Variants in TASP1 observed in about 807,000 individuals in gnomAD.
TASP1 encodes the protein taspase 1.
In TASP1, 16 loss-of-function variants were observed where a neutral mutation model predicts 56.6. The ratio of observed to expected loss-of-function variants is 0.28; its 90% CI spans 0.19 to 0.43. The LOEUF is 0.43. TASP1 is among the 20% of genes least tolerant of loss of function. The probability of loss-of-function intolerance (pLI) is 1.00; values close to 1 mark genes in which losing one functional copy is unlikely to be tolerated. For synonymous variants in TASP1, 179 were observed against 184.2 expected (o/e 0.97, Z 0.23); for missense variants, 393 against 511.6 (o/e 0.77, Z 2.24).
At chr20:13,188,456 T>C in the TASP1 span, among the ~76,000 whole-genome samples, 8 of 152,152 alleles carry the variant, frequency 5.3e-5, no homozygotes, top group East Asian at 5.8e-4. Context: ...TACAAAAATA[T>C]ACTATCAATA....
chr20:13,472,381 C>A (rs1434364756), intron 11 of TASP1, among the ~76,000 whole-genome samples: 1 of 151,026 alleles, frequency 6.6e-6, no homozygotes, highest in African/African-American at 2.5e-5. Flanking sequence ...CATAAAAACC[C>A]TAGAAGAAAA....
At chr20:13,461,899 C>A (rs748068735) in intron 11 of TASP1, among the ~76,000 whole-genome samples, 1 of 152,130 alleles carries the variant, frequency 6.6e-6, no homozygotes, top group Non-Finnish European at 1.5e-5. Flanking sequence ...GATGTTTATA[C>A]AAGATTCATT....
At chr20:13,164,740 C>A in the TASP1 span, 2 of 1,603,476 alleles carry the variant, frequency 1.2e-6, no homozygotes, top group Non-Finnish European at 1.7e-6. Flanking sequence ...TATTGGAAAG[C>A]AATCTCATTG....
the TASP1 span, among the ~76,000 whole-genome samples, chr20:13,375,195 T>C: frequency 2.6e-5 from 4 of 152,160 alleles, no homozygotes; most frequent in East Asian, 1.9e-4. Context: ...CAACCCATCA[T>C]CTACATTAGG....
At chr20:13,209,012 G>C in the TASP1 span, among the ~76,000 whole-genome samples, 1 of 152,104 alleles carries the variant, frequency 6.6e-6, no homozygotes, top group South Asian at 2.1e-4. Context: ...ATGGTGCTTT[G>C]GCCAATGGCA....
intron 11 of TASP1, among the ~76,000 whole-genome samples, chr20:13,475,836 C>T (rs2044706989): frequency 6.6e-6 from 1 of 151,930 alleles, no homozygotes; most frequent in African/African-American, 2.4e-5. Context: ...GCGGAGACTG[C>T]AGTGTGCTGA....
At chr20:13,619,492 A>T (rs1456342789) in intron 4 of TASP1, among the ~76,000 whole-genome samples, 4 of 152,230 alleles carry the variant, frequency 2.6e-5, no homozygotes, top group Non-Finnish European at 5.9e-5. Context: ...ATCAGAATCC[A>T]TGAAACACTT....
intron 13 of TASP1, among the ~76,000 whole-genome samples, chr20:13,416,839 C>T (rs903921161): frequency 6.6e-6 from 1 of 152,162 alleles, no homozygotes; most frequent in Non-Finnish European, 1.5e-5. Flanking sequence ...CAAAGCAACT[C>T]CGGAGATAGT....
chr20:13,225,059 T>G, the TASP1 span, among the ~76,000 whole-genome samples: 18 of 151,466 alleles, frequency 1.2e-4, no homozygotes, highest in Non-Finnish European at 2.2e-4. Context: ...TTCACCGTGT[T>G]AGCCAGGATG....
At chr20:13,316,634 T>C in the TASP1 span, among the ~76,000 whole-genome samples, 3 of 151,596 alleles carry the variant, frequency 2.0e-5, no homozygotes, top group African/African-American at 7.3e-5. Flanking sequence ...TGGCTCAACA[T>C]GTGAAAATTA....
At chr20:13,485,062 T>C (rs2043275739) in intron 10 of TASP1, among the ~76,000 whole-genome samples, 1 of 152,106 alleles carries the variant, frequency 6.6e-6, no homozygotes, top group Non-Finnish European at 1.5e-5. Flanking sequence ...CAAACCACCA[T>C]GGCACATGTA....
the TASP1 span, among the ~76,000 whole-genome samples, chr20:13,221,219 ACTCCTC>A: frequency 0.071 from 5,901 of 82,864 alleles, 420 homozygotes; most frequent in African/African-American, 0.14. Flanking sequence ...AAGCCCTCCT[ACTCCTC>A]CTCCTCCTCC....
At chr20:13,419,867 G>A (rs1222629928) in intron 12 of TASP1, among the ~76,000 whole-genome samples, 1 of 152,176 alleles carries the variant, frequency 6.6e-6, no homozygotes, top group Non-Finnish European at 1.5e-5. Context: ...AAAGTGTCAC[G>A]CAATGAAGCA....
chr20:13,146,709 G>A, the TASP1 span, among the ~76,000 whole-genome samples: 5 of 152,144 alleles, frequency 3.3e-5, no homozygotes, highest in Non-Finnish European at 5.9e-5. Flanking sequence ...TCCAAACAGT[G>A]TCAGAAATTT....
chr20:13,541,124 T>C (rs1426519248), intron 8 of TASP1, among the ~76,000 whole-genome samples: 1 of 151,708 alleles, frequency 6.6e-6, no homozygotes, highest in Non-Finnish European at 1.5e-5. Flanking sequence ...AGAGAGAAAA[T>C]ATTTAAAGAC....
chr20:13,257,626 G>A, the TASP1 span, among the ~76,000 whole-genome samples: 4 of 151,790 alleles, frequency 2.6e-5, no homozygotes, highest in Admixed American at 6.6e-5. Context: ...TTTTGTTGAC[G>A]AGACCTGATT....
downstream of TASP1, among the ~76,000 whole-genome samples, chr20:13,386,056 T>C (rs958583136): frequency 2.0e-5 from 3 of 152,220 alleles, no homozygotes; most frequent in Admixed American, 6.5e-5. Flanking sequence ...ACAGTGCTTG[T>C]TGTATGCACC....
the TASP1 span, among the ~76,000 whole-genome samples, chr20:13,225,589 C>T: frequency 6.6e-6 from 1 of 151,996 alleles, no homozygotes; most frequent in Non-Finnish European, 1.5e-5. Context: ...TTAATAGGTA[C>T]GATGTTACAA....
the TASP1 span, among the ~76,000 whole-genome samples, chr20:13,268,546 C>A: frequency 6.6e-6 from 1 of 152,192 alleles, no homozygotes; most frequent in African/African-American, 2.4e-5. Flanking sequence ...AACAAAGACA[C>A]TGCCCCCGGC....
Sources: allele counts gnomAD v4.1 joint callset (sites outside exome capture counted in the v4.1 genomes callset), GRCh38; gene constraint gnomAD v4.1.1; transcripts MANE v1.5; gene names NCBI Gene and HGNC (gene_info 2026-07-23, HGNC 2026-07-21).